MALRD1: variants seen among roughly 807,000 people sequenced by gnomAD.
MALRD1 encodes the protein MAM and LDL-receptor class A domain-containing protein 1.
A neutral mutation model predicts 242.1 loss-of-function variants in MALRD1; 247 were observed. The observed-to-expected ratio is 1.02, with a 90% CI of 0.92 to 1.13. The LOEUF is 1.13. Among genes scored for constraint, MALRD1 ranks in the 50% most tolerant of loss-of-function variants. MALRD1 has a pLI of 0.00. For missense variants in MALRD1, 2,989 were observed against 2,533.1 expected (o/e 1.18, Z -3.86); for synonymous variants, 995 against 866.6 (o/e 1.15, Z -2.60).
chr10:19,547,818 ATTTTTT>A (rs869038128), intron 32 of MALRD1, among the ~76,000 whole-genome samples: 36 of 16,898 alleles, frequency 2.1e-3, no homozygotes, highest in Non-Finnish European at 2.4e-3. Flanking sequence ...ATATATATAT[ATTTTTT>A]TTTTTTTTTT....
chr10:19,465,194 C>T (rs781390681), intron 29 of MALRD1, among the ~76,000 whole-genome samples: 2 of 151,958 alleles, frequency 1.3e-5, no homozygotes, highest in Non-Finnish European at 1.5e-5. Context: ...ATTTAAATGC[C>T]CTTTATTTCT....
chr10:19,371,196 C>G (rs994273179), intron 26 of MALRD1, among the ~76,000 whole-genome samples: 1 of 151,782 alleles, frequency 6.6e-6, no homozygotes, highest in Non-Finnish European at 1.5e-5. Flanking sequence ...CTGCAGGGAG[C>G]TATGATGGCC....
chr10:19,489,658 C>T (rs1250487728), intron 29 of MALRD1, among the ~76,000 whole-genome samples: 2 of 152,108 alleles, frequency 1.3e-5, no homozygotes, highest in African/African-American at 4.8e-5. Context: ...GGGATGCTTT[C>T]ACTGTCTTGG....
chr10:19,240,032 A>G (rs965706753), intron 18 of MALRD1, among the ~76,000 whole-genome samples: 4 of 152,076 alleles, frequency 2.6e-5, no homozygotes, highest in African/African-American at 9.7e-5. Context: ...TGTTTCTGTG[A>G]AGAATTTCAT....
chr10:19,352,170 C>G lies in MALRD1; in HGVS notation c.4314C>G (p.Leu1438=), dbSNP rs1235891578. The G allele has an allele frequency of 3.2e-6, 5 of 1,550,370 alleles. No individual in the cohort carries two copies. Among genetic ancestry groups the G allele is most frequent in the African/African-American group, 1.4e-5 (1 of 72,996 alleles). The change falls in exon 26 of 40, where the codon CTC becomes CTG. Residue 1438 remains leucine, a synonymous_variant. Transcript: ENST00000454679. ...TGTTTGGTGATGAAGACTTCCAACT[C>G]AAATTTGAAGGTAGAGTTGGGAAAG... is the stretch of plus-strand genomic sequence containing the variant. ...LSLFGDEDFQ[L]KFEGRVGKGQ... is the part of the protein sequence containing the mutation.
Position 19,162,870 on chromosome 10 carries a change from G to A in MALRD1, c.1657-2767G>A, listed in dbSNP as rs184928322. ...CTATAGGTCAGGTGCAGTGGCTCAC[G>A]CCTGTAATCCCAGTACTTTGGGCAG... is the stretch of plus-strand genomic sequence containing the variant. On this transcript the variant is annotated intron_variant, in intron 12 of 39. Transcript: ENST00000454679. Among the ~76,000 whole-genome samples the A allele has an allele frequency of 4.7e-4, 72 of 151,938 alleles. 1 individual carries two copies. The South Asian group carries it at 0.011, about 24-fold the overall frequency.
chr10:19,151,135 A>T (rs192735148), intron 11 of MALRD1, among the ~76,000 whole-genome samples: 5 of 152,310 alleles, frequency 3.3e-5, no homozygotes, highest in Non-Finnish European at 7.4e-5. Flanking sequence ...TAATGGGTGT[A>T]CAATGATTTC....
At chr10:19,506,196 A>T (rs1266594661) in intron 31 of MALRD1, among the ~76,000 whole-genome samples, 2 of 152,226 alleles carry the variant, frequency 1.3e-5, no homozygotes, top group Non-Finnish European at 2.9e-5. Flanking sequence ...TTGACTATTG[A>T]AATTCTTTAT....
chr10:19,543,251 T>G (rs2131381543), intron 32 of MALRD1, among the ~76,000 whole-genome samples: 1 of 150,374 alleles, frequency 6.7e-6, no homozygotes, highest in Non-Finnish European at 1.5e-5. Context: ...GCCCAGCTGA[T>G]TTTTCGTTTT....
intron 1 of MALRD1, among the ~76,000 whole-genome samples, chr10:19,062,854 C>T (rs1834862180): frequency 6.6e-6 from 1 of 152,106 alleles, no homozygotes. Context: ...TACCACAGAA[C>T]TACACACTTA....
chr10:19,307,220 A>G (rs1439207292), intron 21 of MALRD1, among the ~76,000 whole-genome samples: 4 of 148,318 alleles, frequency 2.7e-5, no homozygotes, highest in South Asian at 2.1e-4. Context: ...TCTCAGCTAC[A>G]GAAACATCAA....
chr10:19,083,199 A>C (rs1051938354), intron 2 of MALRD1, among the ~76,000 whole-genome samples: 14 of 151,886 alleles, frequency 9.2e-5, no homozygotes, highest in African/African-American at 3.1e-4. Flanking sequence ...GGGACCAATA[A>C]ATCTCTATGT....
rs538075461 is a variant in MALRD1 at position 19,292,806 on chromosome 10, T to G, written c.3419+9625T>G. ...TACTCGGGAGGCTGAGGCAGGAGAA[T>G]GGTGTGAACCTGGGAGGCGGAGCTT... On this transcript the variant is annotated intron_variant, in intron 21 of 39. Transcript: ENST00000454679. Among the ~76,000 whole-genome samples the G allele has an allele frequency of 6.9e-5, 10 of 145,404 alleles. No individual in the cohort carries two copies. The South Asian group carries it at 2.2e-3, about 31-fold the overall frequency.
intron 39 of MALRD1, 46 bp downstream of exon 39, chr10:19,730,827 C>T (rs1357633843): frequency 5.6e-6 from 8 of 1,440,386 alleles, no homozygotes; most frequent in Non-Finnish European, 7.5e-6. Context: ...TATGCACACA[C>T]ATACAAACAC....
chr10:19,718,291 A>T (rs543601723), intron 38 of MALRD1, among the ~76,000 whole-genome samples: 1 of 152,182 alleles, frequency 6.6e-6, no homozygotes, highest in South Asian at 2.1e-4. Flanking sequence ...AAAGGGGCTT[A>T]GTTGGCTCAC....
chr10:19,331,527 G>A lies in MALRD1; in HGVS notation c.3846G>A (p.Leu1282=). 1 of 1,550,302 alleles carries A rather than the reference G, an allele frequency of 6.5e-7. No individual in the cohort carries two copies. Among genetic ancestry groups the A allele is most frequent in the Non-Finnish European group, 8.7e-7 (1 of 1,146,788 alleles). Residue 1282 remains leucine, a synonymous_variant, in exon 24 of 40, where the codon CTG becomes CTA. Transcript: ENST00000454679. The part of the protein sequence containing the change: ...ANKHCIAKDK[L]CDFVNDCADN... Reference sequence around the variant, plus strand: ...AGCACTGCATTGCCAAAGACAAGCTGTGTGATTTTGTGAATGATTGTGCTG... The same window carrying A: ...AGCACTGCATTGCCAAAGACAAGCTATGTGATTTTGTGAATGATTGTGCTG...
chr10:19,121,995 T>C (rs1837082854), intron 5 of MALRD1, among the ~76,000 whole-genome samples: 1 of 152,226 alleles, frequency 6.6e-6, no homozygotes, highest in African/African-American at 2.4e-5. Flanking sequence ...TCAGTCTGCA[T>C]GATTGTGAAC....
chr10:19,289,967 A>G (rs1841327056), intron 21 of MALRD1, among the ~76,000 whole-genome samples: 1 of 152,164 alleles, frequency 6.6e-6, no homozygotes, highest in South Asian at 2.1e-4. Context: ...CAAGTATAAG[A>G]GAAAAAAACC....
At chr10:19,132,001 A>G (rs759624144) in intron 8 of MALRD1, among the ~76,000 whole-genome samples, 13 of 152,184 alleles carry the variant, frequency 8.5e-5, no homozygotes, top group Non-Finnish European at 1.8e-4. Flanking sequence ...GTGCCATCAG[A>G]CTGGAAAATG....
Sources: allele counts gnomAD v4.1 joint callset (sites outside exome capture counted in the v4.1 genomes callset), GRCh38; gene constraint gnomAD v4.1.1; transcripts MANE v1.5; gene names NCBI Gene and HGNC (gene_info 2026-07-23, HGNC 2026-07-21).